PRKAR2B: variants seen among roughly 807,000 people sequenced by gnomAD.
The protein encoded by PRKAR2B is cAMP-dependent protein kinase type II-beta regulatory subunit.
A neutral mutation model predicts 49.9 loss-of-function variants in PRKAR2B; 14 were observed. The observed-to-expected ratio is 0.28, with a 90% CI of 0.19 to 0.44. The LOEUF is 0.44. Among genes scored for constraint, PRKAR2B ranks in the 20% least tolerant of loss-of-function variants. The pLI, the probability that PRKAR2B is intolerant of heterozygous loss-of-function variation, is 1.00. For synonymous variants in PRKAR2B, 196 were observed against 197.7 expected, an observed-to-expected ratio of 0.99 and a Z score of 0.07; for missense variants, 393 against 537.9, an observed-to-expected ratio of 0.73 and a Z score of 2.67.
chr7:107,115,447 C>T (rs1397455079), intron 2 of PRKAR2B, among the ~76,000 whole-genome samples: 1 of 151,886 alleles, frequency 6.6e-6, no homozygotes, highest in African/African-American at 2.4e-5. Context: ...TAGCCTGTAA[C>T]CGAGTGGATT....
Position 107,157,312 on chromosome 7 carries a change from G to A in PRKAR2B, c.1111G>A (p.Val371Ile). ...RAASAHAIGT[V>I]KCLAMDVQAF... ...AGCTTCTGCCCACGCCATTGGGACT[G>A]TCAAATGTTTAGGTAGGGATTGCAA... is the stretch of plus-strand genomic sequence containing the variant. Residue 371 changes from valine to isoleucine, a missense_variant, in exon 10 of 11, where the codon GTC becomes ATC. By Grantham distance (29) the Val-to-Ile change is conservative. Around this residue, in one of 2 missense-constraint regions of PRKAR2B, gnomAD observed 233 missense variants for 390.4 expected, o/e 0.60. Transcript: ENST00000265717. The A allele has an allele frequency of 1.2e-6, 2 of 1,612,954 alleles. No homozygotes were observed. The highest frequency in any genetic ancestry group is 1.1e-5 in the South Asian group (1 of 90,818).
chr7:107,126,801 A>G (rs1163748734), intron 3 of PRKAR2B, among the ~76,000 whole-genome samples: 4 of 152,160 alleles, frequency 2.6e-5, no homozygotes, highest in African/African-American at 9.7e-5. Context: ...AAGGTTTCTT[A>G]TGCAGCAGTG....
At chr7:107,061,824 A>G (rs549206741) in intron 1 of PRKAR2B, among the ~76,000 whole-genome samples, 20 of 152,158 alleles carry the variant, frequency 1.3e-4, no homozygotes, top group South Asian at 4.1e-4. Context: ...TTGAACCGGG[A>G]TGGCGAAGGT....
At chr7:107,135,960 G>C (rs1795694475) in intron 4 of PRKAR2B, among the ~76,000 whole-genome samples, 1 of 152,122 alleles carries the variant, frequency 6.6e-6, no homozygotes, top group East Asian at 1.9e-4. Context: ...AATCAAGACA[G>C]TATAGTATTG....
chr7:107,092,677 T>TA (rs1794752401), intron 2 of PRKAR2B, among the ~76,000 whole-genome samples: 1 of 152,180 alleles, frequency 6.6e-6, no homozygotes, highest in Non-Finnish European at 1.5e-5. Context: ...CATACTTATT[T>TA]AAAATTTAAA....
chr7:107,083,592 G>C (rs1456194756), intron 2 of PRKAR2B, among the ~76,000 whole-genome samples: 2 of 151,976 alleles, frequency 1.3e-5, no homozygotes, highest in Non-Finnish European at 2.9e-5. Context: ...CCTTAGTACT[G>C]AGTCAAGCCT....
intron 3 of PRKAR2B, among the ~76,000 whole-genome samples, chr7:107,125,881 G>GTT (rs1795473608): frequency 6.6e-6 from 1 of 151,970 alleles, no homozygotes; most frequent in Non-Finnish European, 1.5e-5. Context: ...GAGGTCAGGA[G>GTT]TTTGAGACCA....
intron 8 of PRKAR2B, among the ~76,000 whole-genome samples, chr7:107,154,750 C>T (rs1796048492): frequency 6.6e-6 from 1 of 152,184 alleles, no homozygotes; most frequent in South Asian, 2.1e-4. Flanking sequence ...GTATTATTAT[C>T]TTCCATATTG....
intron 4 of PRKAR2B, among the ~76,000 whole-genome samples, chr7:107,135,836 T>C (rs775067443): frequency 1.3e-5 from 2 of 152,080 alleles, no homozygotes; most frequent in Non-Finnish European, 2.9e-5. Context: ...AACAAACGGA[T>C]CCTAAAGTTT....
At position 107,152,117 on chromosome 7, in the gene PRKAR2B, C is replaced by T. The variant is rs565000306; in HGVS notation, c.844-1060C>T. Among the ~76,000 whole-genome samples, 4 of 152,306 alleles carry T rather than the reference C, an allele frequency of 2.6e-5. No homozygotes were observed. In the East Asian group the frequency reaches 5.8e-4, roughly 22 times the overall value. ...TCCAGTGTCTCAGGCCAAAAACCTT[C>T]GAGTTAGCACTGACTCATATGAACC... On this transcript the variant is annotated intron_variant, in intron 7 of 10. Transcript: ENST00000265717.
At chr7:107,156,671 T>C (rs535679509) in intron 8 of PRKAR2B, among the ~76,000 whole-genome samples, 83 of 152,092 alleles carry the variant, frequency 5.5e-4, no homozygotes, top group African/African-American at 1.9e-3. Context: ...CCGGGCGTGG[T>C]GGCAGACGCC....
intron 7 of PRKAR2B, among the ~76,000 whole-genome samples, chr7:107,152,701 T>A (rs1796011672): frequency 6.6e-6 from 1 of 152,224 alleles, no homozygotes; most frequent in Non-Finnish European, 1.5e-5. Flanking sequence ...AATGTCTCTG[T>A]TGGATTATCA....
chr7:107,060,475 T>C (rs1794005025), intron 1 of PRKAR2B, among the ~76,000 whole-genome samples: 1 of 152,246 alleles, frequency 6.6e-6, no homozygotes, highest in South Asian at 2.1e-4. Flanking sequence ...TTTCCTCTTA[T>C]TGCTAGTGAC....
chr7:107,117,721 TC>T (rs2115574194), intron 2 of PRKAR2B, among the ~76,000 whole-genome samples: 2 of 152,084 alleles, frequency 1.3e-5, no homozygotes, highest in African/African-American at 4.8e-5. Context: ...AGTTGAATAA[TC>T]CCTCATCTAT....
chr7:107,106,087 G>C (rs1795065085), intron 2 of PRKAR2B, among the ~76,000 whole-genome samples: 2 of 152,268 alleles, frequency 1.3e-5, no homozygotes, highest in African/African-American at 4.8e-5. Flanking sequence ...CGGGGAATCT[G>C]GGTCTACATT....
chr7:107,047,244 T>C (rs757957993), intron 1 of PRKAR2B, among the ~76,000 whole-genome samples: 9 of 152,254 alleles, frequency 5.9e-5, no homozygotes, highest in Non-Finnish European at 1.2e-4. Flanking sequence ...AGGTACTTCC[T>C]TCTGTCAGAT....
intron 2 of PRKAR2B, among the ~76,000 whole-genome samples, chr7:107,114,262 A>G (rs1393533637): frequency 1.3e-5 from 2 of 148,470 alleles, no homozygotes; most frequent in Non-Finnish European, 3.0e-5. Context: ...CTTTGGAGGC[A>G]TTTTTGAAGA....
intron 6 of PRKAR2B, among the ~76,000 whole-genome samples, chr7:107,147,515 A>G (rs1035946763): frequency 9.2e-5 from 14 of 152,212 alleles, no homozygotes; most frequent in African/African-American, 3.1e-4. Context: ...CTCCTTCTGG[A>G]GGATTGTATT....
At chr7:107,116,319 C>A (rs1795271737) in intron 2 of PRKAR2B, among the ~76,000 whole-genome samples, 1 of 152,128 alleles carries the variant, frequency 6.6e-6, no homozygotes, top group Non-Finnish European at 1.5e-5. Flanking sequence ...TTTCCCTGCC[C>A]TCTGAGCTAC....
Sources: gnomAD v4.1 joint callset for allele counts (sites outside exome capture counted in the v4.1 genomes callset) on GRCh38, gnomAD v4.1.1 for gene constraint, gnomAD v4.1.1 regional missense constraint, MANE v1.5 for transcripts, NCBI Gene and HGNC (gene_info 2026-07-23, HGNC 2026-07-21) for gene names.